The following ANP32B variants were observed in gnomAD, a reference collection of about 807,000 sequenced individuals.
ANP32B encodes acidic nuclear phosphoprotein 32 family member B, also known as acidic leucine-rich nuclear phosphoprotein 32 family member B.
In ANP32B, 6 loss-of-function variants were observed where a neutral mutation model predicts 32.2. The ratio of observed to expected loss-of-function variants is 0.19; its 90% confidence interval spans 0.10 to 0.37. ANP32B has a LOEUF of 0.37. Ranked by LOEUF, ANP32B falls within the 10% of genes least tolerant of loss-of-function variation. The pLI is 1.00. For synonymous variants in ANP32B, 98 were observed against 105.8 expected, an observed-to-expected ratio of 0.93 and a Z score of 0.45; for missense variants, 204 against 289.2, an observed-to-expected ratio of 0.71 and a Z score of 2.14.
At chr9:98,005,896 C>T (rs374404679) in intron 4 of ANP32B, among the ~76,000 whole-genome samples, 4 of 152,178 alleles carry the variant, frequency 2.6e-5, no homozygotes, top group East Asian at 3.8e-4. Flanking sequence ...GAAACCAGGC[C>T]GCATGAGCAG....
intron 1 of ANP32B, 34 bp from the exon 2 acceptor site, chr9:97,994,597 T>TG (rs777286270): frequency 1.2e-5 from 19 of 1,559,374 alleles, no homozygotes; most frequent in Non-Finnish European, 1.6e-5. Flanking sequence ...AATGTGTTTT[T>TG]GAGAGCTTAT....
chr9:98,011,499 T>TA, intron 5 of ANP32B, 110 bp downstream of exon 5: 1 of 1,381,490 alleles, frequency 7.2e-7, no homozygotes, highest in Non-Finnish European at 9.7e-7. Flanking sequence ...GAAATTAGTA[T>TA]ACCTGTGAAT....
intron 1 of ANP32B, among the ~76,000 whole-genome samples, chr9:97,991,324 A>G (rs1034531949): frequency 1.3e-5 from 2 of 152,056 alleles, no homozygotes; most frequent in Non-Finnish European, 2.9e-5. Flanking sequence ...TATGTTGCCC[A>G]GGTGACTCTT....
At chr9:98,000,739 C>T (rs956397757) in intron 3 of ANP32B, among the ~76,000 whole-genome samples, 1 of 151,780 alleles carries the variant, frequency 6.6e-6, no homozygotes, top group Non-Finnish European at 1.5e-5. Context: ...GCCTGGCCAA[C>T]GTGAAACCCC....
At chr9:98,011,451 A>C in intron 5 of ANP32B, 62 bp downstream of exon 5, 1 of 1,537,698 alleles carries the variant, frequency 6.5e-7, no homozygotes, top group Non-Finnish European at 8.7e-7. Flanking sequence ...TGGGGGTTTC[A>C]AAAAGATGAC....
chr9:97,983,458 A>G lies in ANP32B; in HGVS notation c.-98A>G. The G allele has an allele frequency of 8.6e-7, 1 of 1,163,816 alleles. No homozygotes were observed. 72.1% of individuals were successfully genotyped at this position (1,163,816 alleles called of 1,614,324 possible). Reference sequence around the variant, plus strand: ...GCGCCGCCGGCCTCCGCCGCTAGCAAACCCTTCCGACGGCCCTCGCTGCGC... The same window carrying G: ...GCGCCGCCGGCCTCCGCCGCTAGCAGACCCTTCCGACGGCCCTCGCTGCGC... On this transcript the variant is annotated 5_prime_UTR_variant, in exon 1 of 7. Coordinates refer to ENST00000339399, the MANE Select transcript of ANP32B (RefSeq NM_006401.3).
intron 4 of ANP32B, among the ~76,000 whole-genome samples, chr9:98,006,692 C>T (rs1031433875): frequency 3.9e-5 from 6 of 152,174 alleles, no homozygotes; most frequent in Admixed American, 2.6e-4. Flanking sequence ...AGCCATGAAA[C>T]CTTCAAAACC....
intron 3 of ANP32B, among the ~76,000 whole-genome samples, chr9:98,000,799 A>G (rs758479004): frequency 3.3e-5 from 5 of 151,752 alleles, no homozygotes; most frequent in East Asian, 1.9e-4. Context: ...GCAGGCGCCT[A>G]TAATTCCAGC....
chr9:97,999,218 C>T (rs971489473), intron 3 of ANP32B, among the ~76,000 whole-genome samples: 3 of 152,156 alleles, frequency 2.0e-5, no homozygotes, highest in African/African-American at 7.2e-5. Flanking sequence ...ATTGTGGTGG[C>T]ATCCTTCAGA....
intron 4 of ANP32B, among the ~76,000 whole-genome samples, chr9:98,006,706 T>G (rs1216255721): frequency 6.6e-6 from 1 of 152,170 alleles, no homozygotes; most frequent in Non-Finnish European, 1.5e-5. Context: ...CAAAACCACT[T>G]CACTGGCTGG....
intron 1 of ANP32B, among the ~76,000 whole-genome samples, chr9:97,991,931 C>T (rs755924101): frequency 6.6e-6 from 1 of 152,150 alleles, no homozygotes; most frequent in Non-Finnish European, 1.5e-5. Context: ...TCATCTTAGT[C>T]CCCCACAATT....
At chr9:97,992,592 G>A (rs1827846502) in intron 1 of ANP32B, among the ~76,000 whole-genome samples, 2 of 151,998 alleles carry the variant, frequency 1.3e-5, no homozygotes, top group South Asian at 4.1e-4. Flanking sequence ...TAACGTTTTT[G>A]GATTATTTTG....
At position 98,015,908 on chromosome 9, in the gene ANP32B, G is replaced by T; in HGVS notation, c.*477G>T. On this transcript the variant is annotated 3_prime_UTR_variant, in exon 7 of 7. Transcript: ENST00000339399. Reference sequence around the variant, plus strand: ...ACAACTGCCAAAAAAGTATTTTTAAGAATTTAAGCGAAATAAACAGTTACT... The same window carrying T: ...ACAACTGCCAAAAAAGTATTTTTAATAATTTAAGCGAAATAAACAGTTACT... The T allele has an allele frequency of 4.1e-6, 4 of 979,662 alleles. No homozygotes were observed. Among genetic ancestry groups the T allele is most frequent in the Non-Finnish European group, 4.9e-6 (4 of 824,464 alleles). The allele number at this position is 979,662 out of a possible 1,614,324, so 60.7% of individuals were successfully genotyped here. A position where few individuals can be genotyped will look rare whatever the true frequency, so the allele number is the denominator to read the frequency against.
intron 6 of ANP32B, among the ~76,000 whole-genome samples, chr9:98,014,313 C>A (rs1438717207): frequency 6.6e-6 from 1 of 151,588 alleles, no homozygotes; most frequent in African/African-American, 2.4e-5. Context: ...GAGGCTGAGT[C>A]AGGAGAACGG....
At chr9:97,991,339 T>A (rs1319430710) in intron 1 of ANP32B, among the ~76,000 whole-genome samples, 1 of 152,146 alleles carries the variant, frequency 6.6e-6, no homozygotes, top group Non-Finnish European at 1.5e-5. Flanking sequence ...ACTCTTGGAC[T>A]CCTGGGCTCA....
At chr9:98,010,408 C>A (rs1828163555) in intron 4 of ANP32B, among the ~76,000 whole-genome samples, 1 of 151,586 alleles carries the variant, frequency 6.6e-6, no homozygotes. Context: ...CATAGACAAA[C>A]CCTATCTGTA....
At chr9:98,009,738 A>G (rs1181810775) in intron 4 of ANP32B, among the ~76,000 whole-genome samples, 1 of 152,272 alleles carries the variant, frequency 6.6e-6, no homozygotes, top group Non-Finnish European at 1.5e-5. Context: ...AAGCAGAATG[A>G]TTAGTTTTCA....
intron 1 of ANP32B, chr9:97,986,820 A>G (rs935706247): frequency 1.3e-5 from 2 of 152,240 alleles, no homozygotes; most frequent in African/African-American, 4.8e-5. Context: ...GATGCCCTGA[A>G]ATATACAGCA....
At chr9:97,994,886 T>A in intron 2 of ANP32B, 106 bp downstream of exon 2, 1 of 1,121,770 alleles carries the variant, frequency 8.9e-7, no homozygotes, top group Non-Finnish European at 1.2e-6. Flanking sequence ...ACATGGCCTT[T>A]GGAACTGGGC....
Sources: allele counts gnomAD v4.1 joint callset (sites outside exome capture counted in the v4.1 genomes callset), GRCh38; gene constraint gnomAD v4.1.1; transcripts MANE v1.5; gene names NCBI Gene and HGNC (gene_info 2026-07-23, HGNC 2026-07-21).